Variants in LDAH observed in about 807,000 individuals in gnomAD.
The protein encoded by LDAH is lipid droplet-associated hydrolase.
A neutral mutation model predicts 29.6 loss-of-function variants in LDAH; 26 were observed. The observed-to-expected ratio is 0.88, with a 90% CI of 0.64 to 1.22. LDAH has a LOEUF of 1.22. LDAH is among the 50% of genes most tolerant of loss of function. The probability of loss-of-function intolerance (pLI) is 0.00; values close to 1 mark genes in which losing one functional copy is unlikely to be tolerated. For missense variants in LDAH, 344 were observed against 387.3 expected, an observed-to-expected ratio of 0.89 and a Z score of 0.94; for synonymous variants, 117 against 133.0, an observed-to-expected ratio of 0.88 and a Z score of 0.83.
chr2:20,739,687 T>C (rs1174050634), intron 5 of LDAH, among the ~76,000 whole-genome samples: 13 of 152,208 alleles, frequency 8.5e-5, no homozygotes, highest in Admixed American at 7.9e-4. Context: ...GGACTCCATA[T>C]ATACTATGTA....
chr2:20,701,651 A>T lies in LDAH; in HGVS notation c.705T>A (p.Ala235=). ...CTTGGCCCCCAAGGTAGGCAGCATTAGCTACATTTAAAAAATAAAAAGTCA... is the reference window on the plus strand; with the variant it reads ...CTTGGCCCCCAAGGTAGGCAGCATTTGCTACATTTAAAAAATAAAAAGTCA... ...PLNILEPFCL[A]NAAYLGGQEM... The change falls in exon 6 of 7, where the codon GCT becomes GCA. Residue 235 remains alanine (A), a splice_region_variant and synonymous_variant. Coordinates refer to ENST00000237822, the MANE Select transcript of LDAH (RefSeq NM_021925.4). 6 of 1,612,556 alleles carry T rather than the reference A, an allele frequency of 3.7e-6. No individual in the cohort carries two copies. Among genetic ancestry groups the T allele is most frequent in the Non-Finnish European group, 5.1e-6 (6 of 1,178,788 alleles).
intron 2 of LDAH, among the ~76,000 whole-genome samples, chr2:20,790,905 TAAACGATCTTTTTAAA>T (rs1670900769): frequency 6.6e-6 from 1 of 152,156 alleles, no homozygotes; most frequent in Non-Finnish European, 1.5e-5. Flanking sequence ...AAACAATAAA[TAAACGATCTTTTTAAA>T]AACATTCAAT....
intron 5 of LDAH, among the ~76,000 whole-genome samples, chr2:20,710,344 A>T (rs1664624849): frequency 6.6e-6 from 1 of 152,114 alleles, no homozygotes; most frequent in South Asian, 2.1e-4. Flanking sequence ...CAAAATGGAC[A>T]AAGTCTGCAC....
At chr2:20,761,898 A>C (rs1185818578) in intron 4 of LDAH, among the ~76,000 whole-genome samples, 1 of 152,088 alleles carries the variant, frequency 6.6e-6, no homozygotes, top group Non-Finnish European at 1.5e-5. Context: ...TGACCATTAA[A>C]TGTCTATAAT....
intron 1 of LDAH, among the ~76,000 whole-genome samples, chr2:20,816,287 T>G (rs1024580907): frequency 2.0e-5 from 3 of 152,090 alleles, no homozygotes; most frequent in African/African-American, 7.2e-5. Flanking sequence ...GCAATTACTT[T>G]TAAGTGTAAA....
intron 3 of LDAH, among the ~76,000 whole-genome samples, chr2:20,777,000 T>A (rs1669866602): frequency 6.6e-6 from 1 of 152,210 alleles, no homozygotes. Flanking sequence ...GGCTTCAGTT[T>A]CCTCATACAC....
At position 20,795,905 on chromosome 2, in the gene LDAH, T is replaced by A. The variant is rs1479514055; in HGVS notation, c.154+5405A>T. ...ATCCTTGAAATACTGTTATCCTGATTATTACCACAGTGTAAATAGATTAGC... is the reference window on the plus strand; with the variant it reads ...ATCCTTGAAATACTGTTATCCTGATAATTACCACAGTGTAAATAGATTAGC... On this transcript the variant is annotated intron_variant, in intron 2 of 6. Coordinates refer to ENST00000237822, the MANE Select transcript of LDAH (RefSeq NM_021925.4). Among the ~76,000 whole-genome samples the A allele has an allele frequency of 4.6e-5, 7 of 151,524 alleles. No individual in the cohort carries two copies. In the South Asian group the frequency reaches 1.5e-3, roughly 32 times the overall value.
intron 3 of LDAH, 90 bp downstream of exon 3, chr2:20,790,165 C>G: frequency 3.7e-6 from 5 of 1,360,506 alleles, no homozygotes; most frequent in Non-Finnish European, 5.0e-6. Context: ...GCAGAGGTTT[C>G]CACTGGTGTA....
intron 4 of LDAH, among the ~76,000 whole-genome samples, chr2:20,751,734 A>G (rs191311817): frequency 1.6e-4 from 25 of 152,360 alleles, no homozygotes; most frequent in Admixed American, 1.4e-3. Flanking sequence ...TCTAACATGA[A>G]AGACAGCACA....
chr2:20,728,266 G>A (rs1210744736), intron 5 of LDAH, among the ~76,000 whole-genome samples: 2 of 152,170 alleles, frequency 1.3e-5, no homozygotes, highest in African/African-American at 2.4e-5. Flanking sequence ...CATGCTGGCA[G>A]GTTAAAAGGT....
rs1316215047 is a variant in LDAH at position 20,684,455 on chromosome 2, G to T, written c.*2448C>A. ...GAGGTCTCGTTTTTTGCACGGGCTGGTCTCAAACTCCTAGCCTCAAACGAT... is the reference window on the plus strand; with the variant it reads ...GAGGTCTCGTTTTTTGCACGGGCTGTTCTCAAACTCCTAGCCTCAAACGAT... On this transcript the variant is annotated 3_prime_UTR_variant, in exon 7 of 7. Coordinates refer to ENST00000237822, the MANE Select transcript of LDAH (RefSeq NM_021925.4). 1 of 155,348 alleles carries T rather than the reference G, an allele frequency of 6.4e-6. No individual in the cohort carries two copies. 9.6% of individuals were successfully genotyped at this position (155,348 alleles called of 1,614,324 possible). A position where few individuals can be genotyped will look rare whatever the true frequency, so the allele number is the denominator to read the frequency against.
At chr2:20,766,527 C>T (rs1385001976) in intron 4 of LDAH, among the ~76,000 whole-genome samples, 1 of 152,176 alleles carries the variant, frequency 6.6e-6, no homozygotes, top group Non-Finnish European at 1.5e-5. Context: ...AGCCTACCCT[C>T]AAAGGATTTG....
At position 20,720,878 on chromosome 2, in the gene LDAH, T is replaced by C. The variant is rs116282671; in HGVS notation, c.703+19093A>G. ...TCAACAAAGGCACTAAGAACACACATTGGGGAAAGGATAGTCTCTCTAATA... is the reference window on the plus strand; with the variant it reads ...TCAACAAAGGCACTAAGAACACACACTGGGGAAAGGATAGTCTCTCTAATA... On this transcript the variant is annotated intron_variant, in intron 5 of 6. Transcript: ENST00000237822. Among the ~76,000 whole-genome samples, 592 of 152,144 alleles carry C rather than the reference T, an allele frequency of 3.9e-3. 2 individuals are homozygous for C. Among genetic ancestry groups the C allele is most frequent in the African/African-American group, 0.014 (568 of 41,556 alleles).
At chr2:20,766,856 G>A (rs1032006990) in intron 4 of LDAH, among the ~76,000 whole-genome samples, 6 of 152,214 alleles carry the variant, frequency 3.9e-5, no homozygotes, top group African/African-American at 1.4e-4. Context: ...GCAGCTGACT[G>A]TGACGCCTGC....
At chr2:20,794,472 C>T (rs192097435) in intron 2 of LDAH, among the ~76,000 whole-genome samples, 166 of 152,192 alleles carry the variant, frequency 1.1e-3, no homozygotes, top group African/African-American at 3.7e-3. Flanking sequence ...CACTATACCT[C>T]GTGAACAAAG....
chr2:20,746,001 A>G (rs1392070731), intron 4 of LDAH, among the ~76,000 whole-genome samples: 1 of 152,158 alleles, frequency 6.6e-6, no homozygotes, highest in Non-Finnish European at 1.5e-5. Flanking sequence ...GGGAGAGGGA[A>G]GAGCATGTGC....
At chr2:20,738,282 A>C (rs1356940142) in intron 5 of LDAH, among the ~76,000 whole-genome samples, 1 of 148,208 alleles carries the variant, frequency 6.7e-6, no homozygotes, top group Non-Finnish European at 1.5e-5. Context: ...AATAATAATA[A>C]TAATAATATA....
Position 20,752,423 on chromosome 2 carries a change from A to G in LDAH, c.469-12218T>C, listed in dbSNP as rs188959672. Among the ~76,000 whole-genome samples the G allele has an allele frequency of 1.7e-3, 258 of 152,344 alleles. 1 individual carries two copies. The highest frequency in any genetic ancestry group is 5.7e-3 in the African/African-American group (235 of 41,582). On this transcript the variant is annotated intron_variant, in intron 4 of 6. Coordinates refer to ENST00000237822, the MANE Select transcript of LDAH (RefSeq NM_021925.4). ...ATGCATGAAAGTTTCCCCCAAACTG[A>G]ACAAGACGGATACACAGGTCTTCCT...
At chr2:20,812,599 T>C (rs528311446) in intron 1 of LDAH, among the ~76,000 whole-genome samples, 1 of 152,286 alleles carries the variant, frequency 6.6e-6, no homozygotes, top group South Asian at 2.1e-4. Context: ...ATTCAAAAGC[T>C]TCTTTGGCAA....
Sources: gnomAD v4.1 joint callset for allele counts (sites outside exome capture counted in the v4.1 genomes callset) on GRCh38, gnomAD v4.1.1 for gene constraint, MANE v1.5 for transcripts, NCBI Gene and HGNC (gene_info 2026-07-23, HGNC 2026-07-21) for gene names.